Variants in LSAMP observed in about 807,000 individuals in gnomAD.
The protein encoded by LSAMP is limbic system associated membrane protein.
LSAMP carries 7 observed loss-of-function variants against 38.6 expected under a neutral mutation model. The ratio of observed to expected loss-of-function variants is 0.18; its 90% CI spans 0.10 to 0.34. The LOEUF is 0.34. Among genes scored for constraint, LSAMP ranks in the 10% least tolerant of loss-of-function variants. The probability of loss-of-function intolerance (pLI) is 1.00; values close to 1 mark genes in which losing one functional copy is unlikely to be tolerated. For synonymous variants in LSAMP, 154 were observed against 166.8 expected, an observed-to-expected ratio of 0.92 and a Z score of 0.59; for missense variants, 313 against 420.0, an observed-to-expected ratio of 0.75 and a Z score of 2.23.
chr3:116,399,084 A>G (rs147413929), intron 1 of LSAMP, among the ~76,000 whole-genome samples: 1 of 152,224 alleles, frequency 6.6e-6, no homozygotes, highest in Non-Finnish European at 1.5e-5. Flanking sequence ...CTGGAAAGCA[A>G]GAGAAGGTAG....
chr3:115,822,229 A>G (rs1934263535), intron 6 of LSAMP, among the ~76,000 whole-genome samples: 1 of 152,192 alleles, frequency 6.6e-6, no homozygotes, highest in Admixed American at 6.5e-5. Flanking sequence ...TTTTCTGAGA[A>G]TCAAAGTACT....
chr3:115,874,657 A>G (rs933434813), intron 3 of LSAMP, among the ~76,000 whole-genome samples: 2 of 152,160 alleles, frequency 1.3e-5, no homozygotes, highest in African/African-American at 2.4e-5. Context: ...ACAGTGGTGA[A>G]TAAACCAGCC....
intron 1 of LSAMP, among the ~76,000 whole-genome samples, chr3:116,333,639 G>A (rs938768122): frequency 6.6e-6 from 1 of 151,426 alleles, no homozygotes; most frequent in Non-Finnish European, 1.5e-5. Flanking sequence ...ACAAATTTGT[G>A]GAAATTAAAT....
chr3:116,313,458 C>A (rs1410504651), intron 1 of LSAMP, among the ~76,000 whole-genome samples: 1 of 152,188 alleles, frequency 6.6e-6, no homozygotes, highest in Non-Finnish European at 1.5e-5. Flanking sequence ...TGCAATAACC[C>A]TCATCCAGTT....
chr3:116,193,385 A>G (rs1710801018), intron 1 of LSAMP, among the ~76,000 whole-genome samples: 1 of 152,210 alleles, frequency 6.6e-6, no homozygotes, highest in Non-Finnish European at 1.5e-5. Context: ...CATGACTGAC[A>G]AGCCTTGGAA....
In LSAMP at chr3:116,308,365, T is replaced by C. The variant is rs546183111; in HGVS notation, c.155+136512A>G. On this transcript the variant is annotated intron_variant, in intron 1 of 6. Coordinates refer to ENST00000490035, the MANE Select transcript of LSAMP (RefSeq NM_002338.5). Reference sequence around the variant, plus strand: ...CCGGAGGAATGTGGAGTCCTCAAAATTAGAGGGCATGTCTTGATCTTCTCT... The same window carrying C: ...CCGGAGGAATGTGGAGTCCTCAAAACTAGAGGGCATGTCTTGATCTTCTCT... Among the ~76,000 whole-genome samples the C allele has an allele frequency of 2.6e-5, 4 of 152,158 alleles. No homozygotes were observed. In the East Asian group the frequency reaches 7.7e-4, roughly 29 times the overall value.
Position 116,422,363 on chromosome 3 carries a change from C to G in LSAMP, c.155+22514G>C, listed in dbSNP as rs372276498. On this transcript the variant is annotated intron_variant, in intron 1 of 6. Coordinates refer to ENST00000490035, the MANE Select transcript of LSAMP (RefSeq NM_002338.5). Reference sequence around the variant, plus strand: ...GCAAATAAAAAGCAATATAGTATAACAATTATTTACATAACATTTACTTTG... The same window carrying G: ...GCAAATAAAAAGCAATATAGTATAAGAATTATTTACATAACATTTACTTTG... 6.6e-5 allele frequency among the ~76,000 whole-genome samples: 10 copies of G among 152,152 alleles called. No homozygotes were observed. In the East Asian group the frequency reaches 1.9e-3, roughly 29 times the overall value.
chr3:115,866,500 A>C lies in LSAMP; in HGVS notation c.515-13883T>G, dbSNP rs554966860. On this transcript the variant is annotated intron_variant, in intron 3 of 6. Coordinates refer to ENST00000490035, the MANE Select transcript of LSAMP (RefSeq NM_002338.5). Reference sequence around the variant, plus strand: ...TTTCATTATGCATGGATTTTGTTACAAAAGCACCTTTGATGGGTGGATAAG... The same window carrying C: ...TTTCATTATGCATGGATTTTGTTACCAAAGCACCTTTGATGGGTGGATAAG... 5.9e-5 allele frequency among the ~76,000 whole-genome samples: 9 copies of C among 152,304 alleles called. No individual in the cohort carries two copies. The South Asian group carries it at 1.7e-3, about 28-fold the overall frequency.
At chr3:116,397,386 GCC>G (rs34626647) in intron 1 of LSAMP, among the ~76,000 whole-genome samples, 97 of 100,126 alleles carry the variant, frequency 9.7e-4, no homozygotes, top group African/African-American at 2.5e-3. Flanking sequence ...TAAAATACCC[GCC>G]CCCCCCCCAC....
intron 1 of LSAMP, among the ~76,000 whole-genome samples, chr3:116,214,880 G>C (rs2046202108): frequency 1.3e-5 from 2 of 152,268 alleles, no homozygotes; most frequent in South Asian, 4.1e-4. Context: ...GGTAAAGAGA[G>C]TAATGGGAAG....
intron 1 of LSAMP, among the ~76,000 whole-genome samples, chr3:116,254,218 A>G (rs73140994): frequency 0.018 from 2,717 of 152,252 alleles, 43 homozygotes; most frequent in Non-Finnish European, 0.024. Flanking sequence ...TTCTGTATCA[A>G]TTTTATAACT....
intron 1 of LSAMP, among the ~76,000 whole-genome samples, chr3:116,414,576 T>C (rs2049023878): frequency 6.6e-6 from 1 of 152,138 alleles, no homozygotes. Flanking sequence ...GTGGAAATTA[T>C]ATTCCAGCTA....
intron 3 of LSAMP, among the ~76,000 whole-genome samples, chr3:115,905,518 A>G (rs1250412085): frequency 1.3e-5 from 2 of 152,102 alleles, no homozygotes; most frequent in African/African-American, 4.8e-5. Flanking sequence ...TTTCAATTAA[A>G]TCCAAAATAG....
chr3:115,973,734 CA>C (rs202006471), intron 3 of LSAMP, among the ~76,000 whole-genome samples: 133 of 142,730 alleles, frequency 9.3e-4, no homozygotes, highest in African/African-American at 3.0e-3. Flanking sequence ...AACTCCAACT[CA>C]AAAAAAAAAA....
chr3:116,118,427 G>T lies in LSAMP; in HGVS notation c.156-31871C>A, dbSNP rs112021777. On this transcript the variant is annotated intron_variant, in intron 1 of 6. Transcript: ENST00000490035. ...CTTACGCTTCAGCATTTTCACATCTGCTAAGTCAGTTTTACTCATCCATCT... is the reference window on the plus strand; with the variant it reads ...CTTACGCTTCAGCATTTTCACATCTTCTAAGTCAGTTTTACTCATCCATCT... Among the ~76,000 whole-genome samples the T allele has an allele frequency of 3.5e-3, 539 of 152,270 alleles. 8 individuals carry two copies. The highest frequency in any genetic ancestry group is 3.1e-3 in the Non-Finnish European group (211 of 68,030).
chr3:116,184,292 AAG>A (rs1255902771), intron 1 of LSAMP, among the ~76,000 whole-genome samples: 3 of 151,914 alleles, frequency 2.0e-5, no homozygotes, highest in Non-Finnish European at 2.9e-5. Context: ...CAGATGAGAA[AAG>A]AGAGGCACAC....
chr3:116,104,860 T>C (rs1708427553), intron 1 of LSAMP, among the ~76,000 whole-genome samples: 1 of 152,170 alleles, frequency 6.6e-6, no homozygotes, highest in South Asian at 2.1e-4. Flanking sequence ...AGATGAAAAG[T>C]TAATAAGGAT....
At chr3:115,911,954 C>T (rs558921780) in intron 3 of LSAMP, among the ~76,000 whole-genome samples, 6 of 152,266 alleles carry the variant, frequency 3.9e-5, no homozygotes, top group Admixed American at 2.6e-4. Context: ...ACATCTTTTA[C>T]TTAACATCTA....
At chr3:116,288,705 A>G (rs1051143989) in intron 1 of LSAMP, among the ~76,000 whole-genome samples, 5 of 152,118 alleles carry the variant, frequency 3.3e-5, no homozygotes, top group Non-Finnish European at 7.3e-5. Flanking sequence ...TGATCTCTTG[A>G]GTTTACAGCA....
Sources: allele counts gnomAD v4.1 joint callset (sites outside exome capture counted in the v4.1 genomes callset), GRCh38; gene constraint gnomAD v4.1.1; transcripts MANE v1.5; gene names NCBI Gene and HGNC (gene_info 2026-07-23, HGNC 2026-07-21).